Variants in PALLD observed in about 807,000 individuals in gnomAD.
The protein encoded by PALLD is palladin, cytoskeletal associated protein.
A neutral mutation model predicts 123.5 loss-of-function variants in PALLD; 61 were observed. That is an observed-to-expected ratio of 0.49 (90% CI 0.40 to 0.61). The LOEUF is 0.61. PALLD is among the 20% of genes least tolerant of loss of function. PALLD has a pLI of 0.00. For missense variants in PALLD, 1,273 were observed against 1,377.0 expected (o/e 0.92, Z 1.20); for synonymous variants, 465 against 496.4 (o/e 0.94, Z 0.84).
rs565450791 is a variant in PALLD, at chr4:168,539,307, T to C, written c.908+26895T>C. 2.6e-5 allele frequency among the ~76,000 whole-genome samples: 4 copies of C among 151,930 alleles called. No individual in the cohort carries two copies. In the East Asian group the frequency reaches 7.8e-4, roughly 29 times the overall value. On this transcript the variant is annotated intron_variant, in intron 2 of 21. Transcript: ENST00000505667. The stretch of plus-strand genomic sequence containing the variant: ...TTTCAGCTTTAAAAATTACGAGTCC[T>C]GCCCGGGCGCGGTGGCTCACGCCTG...
intron 10 of PALLD, among the ~76,000 whole-genome samples, chr4:168,801,084 A>G (rs1739255738): frequency 6.6e-6 from 1 of 152,250 alleles, no homozygotes; most frequent in African/African-American, 2.4e-5. Context: ...TCAGAGATGC[A>G]TAACTGAATA....
intron 2 of PALLD, among the ~76,000 whole-genome samples, chr4:168,617,761 C>A (rs780119960): frequency 6.6e-6 from 1 of 152,092 alleles, no homozygotes; most frequent in Non-Finnish European, 1.5e-5. Context: ...AAATGCTATA[C>A]GTAAAGTCTG....
chr4:168,923,614 A>G (rs1007650872), intron 18 of PALLD, among the ~76,000 whole-genome samples: 4 of 151,814 alleles, frequency 2.6e-5, no homozygotes, highest in African/African-American at 9.7e-5. Context: ...TCCTTCCTTC[A>G]AGGTTATAAT....
chr4:168,722,517 C>T (rs11935476), intron 10 of PALLD, among the ~76,000 whole-genome samples: 51,756 of 151,892 alleles, frequency 0.34, 9,226 homozygotes, highest in Middle Eastern at 0.4. Context: ...GGAAAGTATG[C>T]GATGAAGGCA....
intron 2 of PALLD, among the ~76,000 whole-genome samples, chr4:168,533,341 C>T (rs906698740): frequency 1.3e-5 from 2 of 151,882 alleles, no homozygotes; most frequent in African/African-American, 2.4e-5. Context: ...CAGTCACTGA[C>T]GAGAAACTGA....
At chr4:168,597,654 A>C (rs766587348) in intron 2 of PALLD, among the ~76,000 whole-genome samples, 36 of 152,252 alleles carry the variant, frequency 2.4e-4, no homozygotes, top group Admixed American at 3.9e-4. Flanking sequence ...TGGTTGGTCA[A>C]AAGAAAATTT....
intron 10 of PALLD, among the ~76,000 whole-genome samples, chr4:168,830,555 A>G (rs977093164): frequency 1.3e-5 from 2 of 152,160 alleles, no homozygotes; most frequent in Non-Finnish European, 2.9e-5. Context: ...ACAAAATTGT[A>G]TGGAAACAAT....
chr4:168,690,320 A>G (rs141880491), intron 6 of PALLD, among the ~76,000 whole-genome samples: 78 of 152,358 alleles, frequency 5.1e-4, no homozygotes, highest in Non-Finnish European at 9.6e-4. Flanking sequence ...CCATAAATGC[A>G]GAGCAGTCAG....
intron 10 of PALLD, among the ~76,000 whole-genome samples, chr4:168,802,419 T>C (rs555638330): frequency 1.3e-5 from 2 of 152,284 alleles, no homozygotes; most frequent in African/African-American, 4.8e-5. Context: ...ATCACATCCT[T>C]TACAGCAACA....
chr4:168,566,826 C>T (rs939454886), intron 2 of PALLD, among the ~76,000 whole-genome samples: 3 of 152,110 alleles, frequency 2.0e-5, no homozygotes, highest in Non-Finnish European at 4.4e-5. Context: ...ACATTGGGCT[C>T]ATTTATTTGT....
intron 10 of PALLD, among the ~76,000 whole-genome samples, chr4:168,866,907 G>A (rs1026881389): frequency 8.5e-5 from 13 of 152,150 alleles, no homozygotes; most frequent in Non-Finnish European, 5.9e-5. Context: ...GCATAGGAGG[G>A]GCAGACTTAG....
At chr4:168,918,722 CA>C (rs1760787602) in intron 17 of PALLD, among the ~76,000 whole-genome samples, 1 of 152,064 alleles carries the variant, frequency 6.6e-6, no homozygotes, top group Non-Finnish European at 1.5e-5. Context: ...ATATGTTAAT[CA>C]GCTCAGTTTA....
At chr4:168,695,624 T>TCCA (rs1177290883) in intron 8 of PALLD, among the ~76,000 whole-genome samples, 1 of 152,130 alleles carries the variant, frequency 6.6e-6, no homozygotes, top group African/African-American at 2.4e-5. Context: ...CTCATGAAAA[T>TCCA]CCATGTAAAA....
At chr4:168,842,299 A>C (rs998178460) in intron 10 of PALLD, among the ~76,000 whole-genome samples, 2 of 152,254 alleles carry the variant, frequency 1.3e-5, no homozygotes, top group Non-Finnish European at 2.9e-5. Flanking sequence ...ATGACATTCC[A>C]GCTCACAGCA....
intron 10 of PALLD, among the ~76,000 whole-genome samples, chr4:168,793,644 G>T (rs1172441850): frequency 6.6e-6 from 1 of 151,992 alleles, no homozygotes; most frequent in Non-Finnish European, 1.5e-5. Context: ...GACAAAGTGG[G>T]GTTGCTGGAA....
intron 10 of PALLD, among the ~76,000 whole-genome samples, chr4:168,855,549 T>C (rs1748486023): frequency 6.6e-6 from 1 of 152,236 alleles, no homozygotes; most frequent in African/African-American, 2.4e-5. Context: ...ACAAATTTTG[T>C]TAATTTTGGT....
At chr4:168,847,357 G>A (rs1206160405) in intron 10 of PALLD, among the ~76,000 whole-genome samples, 5 of 152,108 alleles carry the variant, frequency 3.3e-5, no homozygotes, top group Admixed American at 6.5e-5. Context: ...AATACTATGA[G>A]GCCATTCAAA....
intron 21 of PALLD, 62 bp from the exon 22 acceptor site, chr4:168,926,151 T>C: frequency 7.7e-7 from 1 of 1,306,122 alleles, no homozygotes; most frequent in African/African-American, 1.5e-5. Context: ...TTATTTGAAA[T>C]ATCTAAAGGC....
At chr4:168,736,067 G>A (rs778573925) in intron 10 of PALLD, among the ~76,000 whole-genome samples, 5 of 152,334 alleles carry the variant, frequency 3.3e-5, no homozygotes, top group Non-Finnish European at 5.9e-5. Context: ...TCATTCAGTG[G>A]CTCAATGAGT....
Sources: allele counts gnomAD v4.1 joint callset (sites outside exome capture counted in the v4.1 genomes callset), GRCh38; gene constraint gnomAD v4.1.1; transcripts MANE v1.5; gene names NCBI Gene and HGNC (gene_info 2026-07-23, HGNC 2026-07-21).